Variants in TMPRSS11E observed in about 807,000 individuals in gnomAD.
TMPRSS11E encodes transmembrane protease serine 11E.
Under a neutral mutation model 48.1 loss-of-function variants are expected in TMPRSS11E, and 38 were observed. The ratio of observed to expected loss-of-function variants is 0.79; its 90% CI spans 0.61 to 1.04. The LOEUF (loss-of-function observed/expected upper bound fraction) is 1.04, where lower values mean the gene tolerates loss of function less well. Ranked by LOEUF, TMPRSS11E falls within the 50% of genes least tolerant of loss-of-function variation. The pLI, the probability that TMPRSS11E is intolerant of heterozygous loss-of-function variation, is 0.00. For synonymous variants in TMPRSS11E, 158 were observed against 171.9 expected, an observed-to-expected ratio of 0.92 and a Z score of 0.63; for missense variants, 530 against 510.8, an observed-to-expected ratio of 1.04 and a Z score of -0.36.
intron 9 of TMPRSS11E, among the ~76,000 whole-genome samples, chr4:68,494,757 A>G (rs1729822511): frequency 1.3e-5 from 2 of 152,192 alleles, no homozygotes; most frequent in African/African-American, 4.8e-5. Context: ...GGCAGGCAAA[A>G]CGCCCAAAGT....
rs144389166 is a variant in TMPRSS11E, at chr4:68,477,528, C to T, written c.867C>T (p.Tyr289=). The part of the protein sequence containing the change: ...SLAELSSPVP[Y]TNAVHRVCLP... The stretch of plus-strand genomic sequence containing the variant: ...CAGAGCTTTCTAGCCCTGTTCCCTA[C>T]ACAAATGCAGTACATAGAGTTTGTC... The change falls in exon 8 of 10, where the codon TAC becomes TAT. Residue 289 remains tyrosine (Y), a synonymous_variant. Transcript: ENST00000305363. The T allele has an allele frequency of 3.1e-4, 507 of 1,614,000 alleles. No individual in the cohort carries two copies. Among genetic ancestry groups the T allele is most frequent in the Non-Finnish European group, 4.1e-4 (487 of 1,179,994 alleles).
At chr4:68,494,139 C>A (rs1313389128) in intron 9 of TMPRSS11E, among the ~76,000 whole-genome samples, 2 of 152,024 alleles carry the variant, frequency 1.3e-5, no homozygotes, top group East Asian at 3.9e-4. Flanking sequence ...CTCAAAGAAG[C>A]CATCTTTTCT....
In TMPRSS11E at chr4:68,466,688, A is replaced by T; in HGVS notation, c.194A>T (p.Tyr65Phe). ...TTGTCATTTACAACTGACAAACTAT[A>T]TGCTGAGTTTGGCAGAGAGGCTTCT... Reference protein sequence around the residue: ...STLSFTTDKLYAEFGREASNN... With the variant: ...STLSFTTDKLFAEFGREASNN... Residue 65 changes from tyrosine to phenylalanine, a missense_variant, in exon 3 of 10, where the codon TAT becomes TTT. By Grantham distance (22) the Tyr-to-Phe change is conservative. Transcript: ENST00000305363. 6.2e-7 allele frequency: 1 copy of T among 1,613,618 alleles called. No individual in the cohort carries two copies. Among genetic ancestry groups the T allele is most frequent in the South Asian group, 1.1e-5 (1 of 91,064 alleles).
At chr4:68,456,106 C>G (rs189349216) in intron 1 of TMPRSS11E, among the ~76,000 whole-genome samples, 1 of 151,858 alleles carries the variant, frequency 6.6e-6, no homozygotes, top group African/African-American at 2.4e-5. Flanking sequence ...CAGTGGAGGT[C>G]AGAGACATTC....
At chr4:68,468,282 T>C (rs1728976178) in intron 3 of TMPRSS11E, among the ~76,000 whole-genome samples, 1 of 152,144 alleles carries the variant, frequency 6.6e-6, no homozygotes. Context: ...CTAGAATTCT[T>C]ATTTAGAATA....
At chr4:68,462,172 A>G (rs894341991) in intron 2 of TMPRSS11E, among the ~76,000 whole-genome samples, 1 of 152,138 alleles carries the variant, frequency 6.6e-6, no homozygotes, top group Non-Finnish European at 1.5e-5. Context: ...CAGCATGCTT[A>G]TTTGCATCTT....
At chr4:68,469,788 C>T (rs1293980674) in intron 4 of TMPRSS11E, among the ~76,000 whole-genome samples, 1 of 151,900 alleles carries the variant, frequency 6.6e-6, no homozygotes, top group Non-Finnish European at 1.5e-5. Context: ...TAACTATATA[C>T]ACATCCCCAT....
intron 7 of TMPRSS11E, among the ~76,000 whole-genome samples, 160 bp from the exon 8 acceptor site, chr4:68,477,209 G>A (rs972506912): frequency 6.6e-6 from 1 of 151,682 alleles, no homozygotes; most frequent in Non-Finnish European, 1.5e-5. Flanking sequence ...TTTTCACCTG[G>A]TCAGAACCCT....
At chr4:68,449,958 T>A (rs1187590249) in intron 1 of TMPRSS11E, among the ~76,000 whole-genome samples, 1 of 151,804 alleles carries the variant, frequency 6.6e-6, no homozygotes, top group Non-Finnish European at 1.5e-5. Flanking sequence ...GGGGAGAACA[T>A]AGACATTTTT....
rs188975590 is a variant in TMPRSS11E, at chr4:68,451,462, A to G, written c.11+3939A>G. Among the ~76,000 whole-genome samples the G allele has an allele frequency of 5.0e-3, 756 of 151,942 alleles. 16 individuals carry two copies. Among genetic ancestry groups the G allele is most frequent in the Non-Finnish European group, 8.4e-4 (57 of 67,832 alleles). ...CACACATGGCCTGTGTGGTAGGGCA[A>G]TTTTTAGAATTGCAATTCTAAGATG... On this transcript the variant is annotated intron_variant, in intron 1 of 9. Coordinates refer to ENST00000305363, the MANE Select transcript of TMPRSS11E (RefSeq NM_014058.4).
At chr4:68,459,129 G>A (rs879868347) in intron 1 of TMPRSS11E, among the ~76,000 whole-genome samples, 2 of 152,054 alleles carry the variant, frequency 1.3e-5, no homozygotes, top group Non-Finnish European at 2.9e-5. Context: ...TTTTTGACTG[G>A]ATTCTCTTTT....
intron 2 of TMPRSS11E, among the ~76,000 whole-genome samples, chr4:68,463,771 C>T (rs1398767225): frequency 6.6e-6 from 1 of 152,132 alleles, no homozygotes; most frequent in East Asian, 1.9e-4. Flanking sequence ...AATCTTGGCA[C>T]ATGTTATGTG....
intron 8 of TMPRSS11E, 63 bp from the exon 9 acceptor site, chr4:68,478,786 A>G: frequency 6.4e-7 from 1 of 1,572,216 alleles, no homozygotes; most frequent in South Asian, 1.1e-5. Flanking sequence ...ATCATGAAAC[A>G]TTTTCTTCAA....
intron 1 of TMPRSS11E, among the ~76,000 whole-genome samples, chr4:68,450,482 G>C (rs1002366314): frequency 3.3e-5 from 5 of 151,858 alleles, no homozygotes; most frequent in Admixed American, 6.6e-5. Context: ...TGTCTACCAT[G>C]TGTAGGAAGC....
intron 1 of TMPRSS11E, among the ~76,000 whole-genome samples, chr4:68,459,942 T>C (rs770072395): frequency 1.3e-5 from 2 of 152,180 alleles, no homozygotes; most frequent in African/African-American, 4.8e-5. Context: ...TTAGGCTCAG[T>C]TGCACATAAA....
intron 9 of TMPRSS11E, among the ~76,000 whole-genome samples, chr4:68,486,235 T>C (rs1729548445): frequency 6.6e-6 from 1 of 152,172 alleles, no homozygotes. Context: ...TGATGCTACA[T>C]TGTTAATTTA....
Position 68,477,433 on chromosome 4 carries a change from C to G in TMPRSS11E, c.772C>G (p.Arg258Gly). 6.2e-7 allele frequency: 1 copy of G among 1,613,984 alleles called. No homozygotes were observed. The highest frequency in any genetic ancestry group is 8.5e-7 in the Non-Finnish European group (1 of 1,179,940). Residue 258 changes from arginine to glycine, a missense_variant, in exon 8 of 10, where the codon CGG becomes GGG. Physicochemically the swap from Arg to Gly is moderately radical, Grantham distance 125. Coordinates refer to ENST00000305363, the MANE Select transcript of TMPRSS11E (RefSeq NM_014058.4). ...GVTIKPSKMK[R>G]GLRRIIVHEK... ...AACAATAAAACCTTCGAAAATGAAA[C>G]GGGGTCTCCGGAGAATAATTGTCCA...
intron 9 of TMPRSS11E, among the ~76,000 whole-genome samples, chr4:68,483,037 T>A (rs187775868): frequency 6.5e-4 from 99 of 152,322 alleles, no homozygotes; most frequent in Admixed American, 6.1e-3. Flanking sequence ...AGTTACCAAT[T>A]TTCTGTGTTA....
intron 2 of TMPRSS11E, among the ~76,000 whole-genome samples, chr4:68,462,647 T>C (rs1728825433): frequency 6.6e-6 from 1 of 151,988 alleles, no homozygotes; most frequent in South Asian, 2.1e-4. Context: ...TGACACAATC[T>C]GGAGTCATAA....
Sources: allele counts gnomAD v4.1 joint callset (sites outside exome capture counted in the v4.1 genomes callset), GRCh38; gene constraint gnomAD v4.1.1; transcripts MANE v1.5; gene names NCBI Gene and HGNC (gene_info 2026-07-23, HGNC 2026-07-21).